The following IPO5 variants were observed in gnomAD, a reference collection of about 807,000 sequenced individuals.
The protein encoded by IPO5 is importin 5.
A neutral mutation model predicts 143.3 loss-of-function variants in IPO5; 18 were observed. The ratio of observed to expected loss-of-function variants is 0.13; its 90% CI spans 0.09 to 0.19. The LOEUF (loss-of-function observed/expected upper bound fraction) is 0.19, where lower values mean the gene tolerates loss of function less well. Ranked by LOEUF, IPO5 falls within the 10% of genes least tolerant of loss-of-function variation. The probability of loss-of-function intolerance (pLI) is 1.00; values close to 1 mark genes in which losing one functional copy is unlikely to be tolerated. For missense variants in IPO5, 1,013 were observed against 1,336.9 expected, an observed-to-expected ratio of 0.76 and a Z score of 3.78; for synonymous variants, 477 against 465.7, an observed-to-expected ratio of 1.02 and a Z score of -0.31.
intron 3 of IPO5, among the ~76,000 whole-genome samples, chr13:97,972,560 C>A (rs1885908105): frequency 6.6e-6 from 1 of 152,214 alleles, no homozygotes. Context: ...TAAAGGGTTG[C>A]AAATGCTCCA....
chr13:98,015,451 A>G (rs1890063372), intron 22 of IPO5, 79 bp from the exon 23 acceptor site: 1 of 744,700 alleles, frequency 1.3e-6, no homozygotes, highest in South Asian at 1.7e-5. Flanking sequence ...ATTTTTCCAT[A>G]TGATTCTTAG....
intron 13 of IPO5, 31 bp from the exon 14 acceptor site, chr13:98,002,436 T>A (rs1273440040): frequency 6.2e-7 from 1 of 1,609,006 alleles, no homozygotes; most frequent in Non-Finnish European, 8.5e-7. Context: ...TAGTGTGTAA[T>A]TGCTATTCCA....
At chr13:98,002,631 A>G in intron 14 of IPO5, 40 bp downstream of exon 14, 1 of 1,609,436 alleles carries the variant, frequency 6.2e-7, no homozygotes, top group Non-Finnish European at 8.5e-7. Context: ...TGATTAGTGT[A>G]GCTTCATGTG....
In IPO5 at chr13:98,023,865, G is replaced by C. The variant is rs1350789728; in HGVS notation, c.*2043G>C. Reference sequence around the variant, plus strand: ...ACATGATTCTGAAACCCAGAGCTCAGAACTAACTGTGAGATGTACCATGAA... The same window carrying C: ...ACATGATTCTGAAACCCAGAGCTCACAACTAACTGTGAGATGTACCATGAA... On this transcript the variant is annotated 3_prime_UTR_variant, in exon 29 of 29. Coordinates refer to ENST00000651721, the MANE Select transcript of IPO5 (RefSeq NM_002271.6). The C allele has an allele frequency of 1.3e-5, 2 of 152,196 alleles. No homozygotes were observed. Among genetic ancestry groups the C allele is most frequent in the Non-Finnish European group, 2.9e-5 (2 of 68,046 alleles). The allele number at this position is 152,196 out of a possible 1,614,324, so 9.4% of individuals were successfully genotyped here.
At chr13:97,987,343 G>T (rs1887456129) in intron 6 of IPO5, 1 of 151,884 alleles carries the variant, frequency 6.6e-6, no homozygotes, top group Non-Finnish European at 1.5e-5. Context: ...TGAAGATCAA[G>T]GTTACATGGG....
intron 3 of IPO5, among the ~76,000 whole-genome samples, chr13:97,971,684 C>G (rs60824089): frequency 0.023 from 3,466 of 152,220 alleles, 125 homozygotes; most frequent in African/African-American, 0.077. Flanking sequence ...CGCGGTGGCT[C>G]AAGCCTGTAA....
At chr13:97,999,104 T>C (rs1888544579) in intron 12 of IPO5, among the ~76,000 whole-genome samples, 1 of 152,028 alleles carries the variant, frequency 6.6e-6, no homozygotes, top group Admixed American at 6.6e-5. Flanking sequence ...GATCACGTCA[T>C]TGCGCTACAG....
intron 12 of IPO5, among the ~76,000 whole-genome samples, chr13:98,000,014 G>T (rs1300308951): frequency 1.3e-5 from 2 of 152,226 alleles, no homozygotes; most frequent in Non-Finnish European, 2.9e-5. Context: ...GCTGGGCACA[G>T]TGGCTCACGC....
At position 98,001,008 on chromosome 13, in the gene IPO5, C is replaced by T. The variant is rs149482187; in HGVS notation, c.1108+363C>T. On this transcript the variant is annotated intron_variant, in intron 13 of 28. Transcript: ENST00000651721. ...TCTTTCTTTCTGTTTTTGCCCCTGA[C>T]GGAGGTGATGGTGGAAGCCCACCTG... is the stretch of plus-strand genomic sequence containing the variant. 5.1e-4 allele frequency: 113 copies of T among 223,348 alleles called. 2 individuals are homozygous for T. In the East Asian group the frequency reaches 0.011, roughly 22 times the overall value. The allele number at this position is 223,348 out of a possible 1,614,324, so 13.8% of individuals were successfully genotyped here.
chr13:97,986,316 A>G (rs1460008169), intron 6 of IPO5, among the ~76,000 whole-genome samples: 1 of 152,218 alleles, frequency 6.6e-6, no homozygotes, highest in East Asian at 1.9e-4. Context: ...TGTGGTGACA[A>G]ATATATACAT....
chr13:97,999,867 CTG>C (rs768093909), intron 12 of IPO5, among the ~76,000 whole-genome samples: 41 of 152,306 alleles, frequency 2.7e-4, no homozygotes, highest in Non-Finnish European at 2.8e-4. Context: ...GGTTTGAAGA[CTG>C]TATTTCTAGG....
chr13:97,969,803 A>G lies in IPO5; in HGVS notation c.-32A>G. ...CAAATGCCTGAGGATCAAGTTGGAA[A>G]ACTAGAAGCAACAGAAAACACAATA... On this transcript the variant is annotated 5_prime_UTR_variant, in exon 3 of 29. Transcript: ENST00000651721. 6.2e-7 allele frequency: 1 copy of G among 1,612,808 alleles called. No homozygotes were observed. The highest frequency in any genetic ancestry group is 1.1e-5 in the South Asian group (1 of 90,878).
chr13:97,981,114 G>T (rs917237836), intron 4 of IPO5: 1 of 339,934 alleles, frequency 2.9e-6, no homozygotes, highest in South Asian at 2.3e-5. Flanking sequence ...TTCTCTCCTC[G>T]GCTGTGAATA....
intron 28 of IPO5, chr13:98,021,469 C>T (rs904298681): frequency 4.0e-5 from 14 of 353,806 alleles, no homozygotes; most frequent in Non-Finnish European, 5.0e-5. Flanking sequence ...ATGATTTTTA[C>T]TTCCTATATT....
At chr13:97,969,175 ATTTTTTT>A (rs60300496) in intron 2 of IPO5, among the ~76,000 whole-genome samples, 7 of 43,906 alleles carry the variant, frequency 1.6e-4, no homozygotes, top group Admixed American at 5.4e-4. Flanking sequence ...ATATATATAT[ATTTTTTT>A]TTTTTTTTTT....
In IPO5 at chr13:98,020,989, C is replaced by T; in HGVS notation, c.3066-3C>T. On this transcript the variant is annotated splice_region_variant and splice_polypyrimidine_tract_variant and intron_variant, in intron 27 of 28. Transcript: ENST00000651721. ...TTACTAAGGTTTTCTTCTCATTTGT[C>T]AGTAATCATCCAATTGTTCTTGGCC... The T allele has an allele frequency of 6.2e-7, 1 of 1,603,556 alleles. No homozygotes were observed. The highest frequency in any genetic ancestry group is 8.5e-7 in the Non-Finnish European group (1 of 1,174,402).
At chr13:98,007,997 G>T in intron 17 of IPO5, 62 bp from the exon 18 acceptor site, 2 of 992,468 alleles carry the variant, frequency 2.0e-6, no homozygotes, top group Non-Finnish European at 3.2e-6. Flanking sequence ...GCAAAGCTTT[G>T]CTAATTACAC....
Position 98,014,145 on chromosome 13 carries a change from T to C in IPO5, c.2256T>C (p.Ala752=), listed in dbSNP as rs1442556234. 1.9e-6 allele frequency: 3 copies of C among 1,613,540 alleles called. No individual in the cohort carries two copies. Among genetic ancestry groups the C allele is most frequent in the East Asian group, 2.2e-5 (1 of 44,896 alleles). ...LTQMWHFMCD[A]LIKAIGTEPD... is the part of the protein sequence containing the mutation. ...AGATGTGGCATTTTATGTGTGATGC[T>C]CTAATTAAGGCCATTGGTACAGAAC... is the stretch of plus-strand genomic sequence containing the variant. Residue 752 remains alanine (A), a synonymous_variant, in exon 22 of 29, where the codon GCT becomes GCC. Transcript: ENST00000651721.
chr13:97,978,045 G>A (rs1315446417), intron 4 of IPO5, among the ~76,000 whole-genome samples: 1 of 152,146 alleles, frequency 6.6e-6, no homozygotes, highest in Non-Finnish European at 1.5e-5. Flanking sequence ...TATATTAAGT[G>A]AAGTAAACAC....
Sources: gnomAD v4.1 joint callset for allele counts (sites outside exome capture counted in the v4.1 genomes callset) on GRCh38, gnomAD v4.1.1 for gene constraint, MANE v1.5 for transcripts, NCBI Gene and HGNC (gene_info 2026-07-23, HGNC 2026-07-21) for gene names.